Variants in SYT6 observed in about 807,000 individuals in gnomAD.
The protein encoded by SYT6 is synaptotagmin 6.
SYT6 carries 24 observed loss-of-function variants against 38.4 expected under a neutral mutation model. The ratio of observed to expected loss-of-function variants is 0.62; its 90% CI spans 0.45 to 0.88. The LOEUF is 0.88. Among genes scored for constraint, SYT6 ranks in the 40% least tolerant of loss-of-function variants. SYT6 has a pLI of 0.00. For missense variants in SYT6, 611 were observed against 621.0 expected (o/e 0.98, Z 0.17); for synonymous variants, 265 against 241.9 (o/e 1.10, Z -0.89).
chr1:114,123,029 C>T (rs903458747), intron 3 of SYT6, among the ~76,000 whole-genome samples: 5 of 152,202 alleles, frequency 3.3e-5, no homozygotes, highest in Non-Finnish European at 7.3e-5. Flanking sequence ...TTGGCTGTTC[C>T]GCGTGCCCTC....
intron 3 of SYT6, among the ~76,000 whole-genome samples, chr1:114,105,785 C>A (rs1025322923): frequency 1.3e-5 from 2 of 152,192 alleles, no homozygotes; most frequent in African/African-American, 4.8e-5. Flanking sequence ...TCCTTGCACT[C>A]CGCTTTTGAG....
chr1:114,151,398 T>G (rs1358579883), intron 1 of SYT6, among the ~76,000 whole-genome samples: 2 of 152,066 alleles, frequency 1.3e-5, no homozygotes, highest in Non-Finnish European at 2.9e-5. Context: ...TAGTAATTCA[T>G]CTGGGCCTGC....
intron 3 of SYT6, among the ~76,000 whole-genome samples, chr1:114,110,373 G>A (rs911077100): frequency 3.3e-5 from 5 of 152,170 alleles, no homozygotes; most frequent in Non-Finnish European, 4.4e-5. Flanking sequence ...AGGGAGCCAG[G>A]GACCTGACCA....
At chr1:114,149,360 G>T (rs549445032) in intron 1 of SYT6, among the ~76,000 whole-genome samples, 101 of 151,906 alleles carry the variant, frequency 6.6e-4, no homozygotes, top group Admixed American at 1.1e-3. Context: ...TTCAGGGCTG[G>T]GGGGAGGGGA....
intron 3 of SYT6, among the ~76,000 whole-genome samples, chr1:114,107,114 G>T (rs778719413): frequency 5.9e-5 from 9 of 152,202 alleles, no homozygotes; most frequent in Non-Finnish European, 1.3e-4. Flanking sequence ...CCACCACCAA[G>T]TCCTACAGAT....
intron 3 of SYT6, among the ~76,000 whole-genome samples, chr1:114,110,823 C>G (rs558452789): frequency 8.5e-5 from 13 of 152,322 alleles, no homozygotes; most frequent in African/African-American, 3.1e-4. Context: ...TGCACCATCT[C>G]TGCCAGATCC....
chr1:114,117,603 T>C (rs1008363681), intron 3 of SYT6, among the ~76,000 whole-genome samples: 1 of 152,204 alleles, frequency 6.6e-6, no homozygotes, highest in East Asian at 1.9e-4. Context: ...TTGCTGGCTC[T>C]TTCTTCCCTC....
intron 3 of SYT6, among the ~76,000 whole-genome samples, chr1:114,133,625 G>A (rs1339262725): frequency 6.6e-6 from 1 of 152,202 alleles, no homozygotes; most frequent in Non-Finnish European, 1.5e-5. Context: ...AAACAGCAGG[G>A]CAGTGCTTCC....
At chr1:114,092,449 A>C (rs759955766) in intron 7 of SYT6, among the ~76,000 whole-genome samples, 6 of 151,886 alleles carry the variant, frequency 4.0e-5, no homozygotes, top group Non-Finnish European at 8.8e-5. Context: ...TTAGCAGCGA[A>C]AGAGGCAGTG....
chr1:114,118,488 C>G (rs1266388092), intron 3 of SYT6, among the ~76,000 whole-genome samples: 1 of 152,234 alleles, frequency 6.6e-6, no homozygotes, highest in Non-Finnish European at 1.5e-5. Flanking sequence ...CAGATCCTCC[C>G]TTTGGCTTAA....
chr1:114,149,217 T>TTGTGTGTGTGTG (rs879834403), intron 1 of SYT6, among the ~76,000 whole-genome samples: 3 of 38,016 alleles, frequency 7.9e-5, no homozygotes, highest in Admixed American at 4.0e-4. Flanking sequence ...GAGAGAGAGA[T>TTGTGTGTGTGTG]TGTGTGTGTG....
chr1:114,123,973 C>CAATTCTTCCACCT (rs77302800), intron 3 of SYT6, among the ~76,000 whole-genome samples: 105,035 of 151,938 alleles, frequency 0.69, 36,859 homozygotes, highest in East Asian at 0.85. Context: ...AGACCCCATC[C>CAATTCTTCCACCT]GGCTGGGGCC....
intron 3 of SYT6, among the ~76,000 whole-genome samples, chr1:114,135,875 A>G (rs1417333082): frequency 6.6e-6 from 1 of 152,214 alleles, no homozygotes; most frequent in Non-Finnish European, 1.5e-5. Context: ...TCCAGTTACC[A>G]TAATGAAGCC....
intron 4 of SYT6, among the ~76,000 whole-genome samples, chr1:114,100,834 A>G (rs1428812577): frequency 6.6e-6 from 1 of 152,156 alleles, no homozygotes; most frequent in Non-Finnish European, 1.5e-5. Flanking sequence ...GCAGCTTGCA[A>G]AATCCATAAG....
chr1:114,115,518 G>T (rs951134588), intron 3 of SYT6, among the ~76,000 whole-genome samples: 1 of 151,562 alleles, frequency 6.6e-6, no homozygotes, highest in Non-Finnish European at 1.5e-5. Context: ...CTGGATTCAA[G>T]CAATTCTCCT....
intron 4 of SYT6, among the ~76,000 whole-genome samples, chr1:114,103,083 C>T (rs947297304): frequency 1.1e-4 from 17 of 152,306 alleles, no homozygotes; most frequent in Admixed American, 5.2e-4. Context: ...GCAGCAAAGC[C>T]TCAAATACAA....
intron 3 of SYT6, among the ~76,000 whole-genome samples, chr1:114,121,490 G>A (rs1372426742): frequency 2.0e-5 from 3 of 152,192 alleles, no homozygotes; most frequent in Non-Finnish European, 4.4e-5. Flanking sequence ...CTAAGCAACA[G>A]GAGGACCCTG....
intron 3 of SYT6, among the ~76,000 whole-genome samples, chr1:114,131,096 T>C (rs1041319801): frequency 1.3e-5 from 2 of 152,092 alleles, no homozygotes; most frequent in African/African-American, 2.4e-5. Context: ...TCCCCCAACA[T>C]GCTGGGCCAG....
At chr1:114,103,554 T>A (rs990737566) in intron 4 of SYT6, 47 bp downstream of exon 4, 11 of 1,608,144 alleles carry the variant, frequency 6.8e-6, no homozygotes, top group African/African-American at 1.3e-5. Context: ...CCCTTCCAAA[T>A]CCTAATGTCT....
Sources: gnomAD v4.1 joint callset for allele counts (sites outside exome capture counted in the v4.1 genomes callset) on GRCh38, gnomAD v4.1.1 for gene constraint, MANE v1.5 for transcripts, NCBI Gene and HGNC (gene_info 2026-07-23, HGNC 2026-07-21) for gene names.